Variants in FAM171A1 observed in about 807,000 individuals in gnomAD.
The protein encoded by FAM171A1 is family with sequence similarity 171 member A1.
In FAM171A1, 23 loss-of-function variants were observed where a neutral mutation model predicts 74.9. The observed-to-expected ratio is 0.31, with a 90% confidence interval of 0.22 to 0.44. The LOEUF (loss-of-function observed/expected upper bound fraction) is 0.44. FAM171A1 is among the 20% of genes least tolerant of loss of function. The pLI, the probability that FAM171A1 is intolerant of heterozygous loss-of-function variation, is 1.00. For synonymous variants in FAM171A1, 527 were observed against 505.7 expected, an observed-to-expected ratio of 1.04 and a Z score of -0.57; for missense variants, 1,162 against 1,159.2, an observed-to-expected ratio of 1.00 and a Z score of -0.03.
At chr10:15,242,840 A>G (rs937117561) in intron 5 of FAM171A1, among the ~76,000 whole-genome samples, 1 of 152,184 alleles carries the variant, frequency 6.6e-6, no homozygotes, top group Non-Finnish European at 1.5e-5. Flanking sequence ...AAGATTCCCA[A>G]TGTACTGTCA....
At chr10:15,240,359 T>TCA (rs79640392) in intron 5 of FAM171A1, among the ~76,000 whole-genome samples, 45,914 of 151,582 alleles carry the variant, frequency 0.3, 8,441 homozygotes, top group South Asian at 0.48. Context: ...AGACACCATC[T>TCA]CACACACACA....
rs1289541281 is a variant in FAM171A1, at chr10:15,370,989, T to C, written c.64A>G (p.Lys22Glu). 7 of 1,188,728 alleles carry C rather than the reference T, an allele frequency of 5.9e-6. No individual in the cohort carries two copies. The African/African-American group carries it at 1.2e-4, about 20-fold the overall frequency. 73.6% of individuals were successfully genotyped at this position (1,188,728 alleles called of 1,614,324 possible). ...CCGGCGCCGGGCTCCCGCAGCGTCT[T>C]GGTCACCGCCTTCCAGACGTGGCAG... is the stretch of plus-strand genomic sequence containing the variant. Reference protein sequence around the residue: ...LGCHVWKAVTKTLREPGAGAQ... With the variant: ...LGCHVWKAVTETLREPGAGAQ... Residue 22 changes from lysine to glutamate, a missense_variant, in exon 1 of 8, where the codon AAG becomes GAG. Coordinates refer to ENST00000378116, the MANE Select transcript of FAM171A1 (RefSeq NM_001010924.2).
intron 3 of FAM171A1, among the ~76,000 whole-genome samples, chr10:15,255,511 T>C (rs1834568324): frequency 6.6e-6 from 1 of 152,248 alleles, no homozygotes; most frequent in East Asian, 1.9e-4. Context: ...ATGAGACTTT[T>C]GAAATGATGC....
At chr10:15,242,740 G>A (rs1834378338) in intron 5 of FAM171A1, among the ~76,000 whole-genome samples, 1 of 152,104 alleles carries the variant, frequency 6.6e-6, no homozygotes, top group African/African-American at 2.4e-5. Context: ...GCAGTGATCT[G>A]TGACTGCACC....
chr10:15,360,704 G>C (rs1245316248), intron 1 of FAM171A1, among the ~76,000 whole-genome samples: 1 of 152,228 alleles, frequency 6.6e-6, no homozygotes, highest in Non-Finnish European at 1.5e-5. Flanking sequence ...CTGATTTCAA[G>C]CTGTCCTTTG....
At chr10:15,281,355 C>T (rs769794212) in intron 2 of FAM171A1, among the ~76,000 whole-genome samples, 28 of 152,166 alleles carry the variant, frequency 1.8e-4, no homozygotes, top group South Asian at 8.3e-4. Context: ...AAAGGCAAAG[C>T]GCAGAAAAAT....
Position 15,261,619 on chromosome 10 carries a change from A to G in FAM171A1, c.419-6740T>C, listed in dbSNP as rs1232994768. Among the ~76,000 whole-genome samples, 3 of 152,228 alleles carry G rather than the reference A, an allele frequency of 2.0e-5. No homozygotes were observed. In the East Asian group the frequency reaches 5.8e-4, roughly 29 times the overall value. ...ATAAACTTCAAGAGAGAGAGTGGCC[A>G]GCTGTCCAGGAGAAAAGCAGTTCCC... On this transcript the variant is annotated intron_variant, in intron 3 of 7. Coordinates refer to ENST00000378116, the MANE Select transcript of FAM171A1 (RefSeq NM_001010924.2).
intron 1 of FAM171A1, among the ~76,000 whole-genome samples, chr10:15,348,538 T>C (rs1835842712): frequency 6.6e-6 from 1 of 152,232 alleles, no homozygotes; most frequent in Non-Finnish European, 1.5e-5. Flanking sequence ...TAGGACCCCT[T>C]GCAGTCACCA....
rs527660957 is a variant in FAM171A1, at chr10:15,266,110, C to T, written c.418+9745G>A. Among the ~76,000 whole-genome samples the T allele has an allele frequency of 3.9e-4, 60 of 152,280 alleles. No homozygotes were observed. In the South Asian group the frequency reaches 0.011, roughly 27 times the overall value. ...CCGTCTGCTCCTTTCTGACCTGCTC[C>T]GAGTGTCTTCTTCTGCTTCTGCATC... On this transcript the variant is annotated intron_variant, in intron 3 of 7. Transcript: ENST00000378116.
chr10:15,229,205 T>C (rs569472361), intron 5 of FAM171A1, among the ~76,000 whole-genome samples: 52 of 152,270 alleles, frequency 3.4e-4, no homozygotes, highest in African/African-American at 1.3e-3. Context: ...GGGGGCAAGG[T>C]CACTTGTGCT....
chr10:15,262,396 T>C (rs1287376034), intron 3 of FAM171A1, among the ~76,000 whole-genome samples: 2 of 151,930 alleles, frequency 1.3e-5, no homozygotes, highest in African/African-American at 4.8e-5. Context: ...AAATAAGAGA[T>C]AGGCAGAGCA....
intron 5 of FAM171A1, among the ~76,000 whole-genome samples, chr10:15,235,297 G>T (rs1323366916): frequency 1.2e-5 from 1 of 85,128 alleles, no homozygotes; most frequent in Admixed American, 2.0e-4. Context: ...GCGAGACTCT[G>T]TCTCAAAAAA....
intron 5 of FAM171A1, among the ~76,000 whole-genome samples, chr10:15,243,811 TGAG>T (rs74521251): frequency 0.69 from 104,530 of 151,748 alleles, 36,303 homozygotes; most frequent in South Asian, 0.84. Context: ...ATACATTGAC[TGAG>T]CAGCTCACCG....
intron 1 of FAM171A1, among the ~76,000 whole-genome samples, chr10:15,305,884 C>T (rs907189319): frequency 6.6e-6 from 1 of 152,084 alleles, no homozygotes; most frequent in Non-Finnish European, 1.5e-5. Flanking sequence ...TGCCTGTGCA[C>T]GAACACGGGG....
At chr10:15,269,597 T>C (rs1834795157) in intron 3 of FAM171A1, among the ~76,000 whole-genome samples, 1 of 152,018 alleles carries the variant, frequency 6.6e-6, no homozygotes, top group South Asian at 2.1e-4. Context: ...GTGAGACAGG[T>C]TGAAAAAATA....
At chr10:15,222,896 A>G (rs541981727) in intron 5 of FAM171A1, among the ~76,000 whole-genome samples, 23 of 152,374 alleles carry the variant, frequency 1.5e-4, no homozygotes, top group African/African-American at 5.0e-4. Flanking sequence ...GGGCTCCAGA[A>G]AGAGCAGACT....
At chr10:15,270,464 G>C (rs1834808677) in intron 3 of FAM171A1, among the ~76,000 whole-genome samples, 1 of 152,234 alleles carries the variant, frequency 6.6e-6, no homozygotes. Flanking sequence ...GGGCATAGCT[G>C]AACGAAAGGC....
chr10:15,312,675 T>G (rs113390615), intron 1 of FAM171A1, among the ~76,000 whole-genome samples: 331 of 15,814 alleles, frequency 0.021, 1 homozygote, highest in African/African-American at 0.041. Context: ...CACTGTGTGT[T>G]TTTTTTTTTT....
At chr10:15,240,189 C>A (rs556245673) in intron 5 of FAM171A1, among the ~76,000 whole-genome samples, 2 of 152,246 alleles carry the variant, frequency 1.3e-5, no homozygotes, top group Non-Finnish European at 2.9e-5. Context: ...GGTGAAACCC[C>A]ATCTCTACTA....
Sources: gnomAD v4.1 joint callset for allele counts (sites outside exome capture counted in the v4.1 genomes callset) on GRCh38, gnomAD v4.1.1 for gene constraint, MANE v1.5 for transcripts, NCBI Gene and HGNC (gene_info 2026-07-23, HGNC 2026-07-21) for gene names.